The following DLC1 variants were observed in gnomAD, a reference collection of about 807,000 sequenced individuals.
DLC1 encodes the protein rho GTPase-activating protein 7.
Under a neutral mutation model 140.3 loss-of-function variants are expected in DLC1, and 54 were observed. That is an observed-to-expected ratio of 0.38 (90% CI 0.31 to 0.48). The LOEUF (loss-of-function observed/expected upper bound fraction) is 0.48. DLC1 is among the 20% of genes least tolerant of loss of function. The pLI is 0.96. For missense variants in DLC1, 2,536 were observed against 1,907.0 expected (o/e 1.33, Z -6.14); for synonymous variants, 986 against 728.1 (o/e 1.35, Z -5.70).
rs566667923 is a variant in DLC1 at position 13,198,811 on chromosome 8, G to A, written c.1349-83154C>T. Among the ~76,000 whole-genome samples, 506 of 151,780 alleles carry A rather than the reference G, an allele frequency of 3.3e-3. 5 individuals carry two copies. Among genetic ancestry groups the A allele is most frequent in the African/African-American group, 0.012 (481 of 41,354 alleles). On this transcript the variant is annotated intron_variant, in intron 5 of 17. Transcript: ENST00000276297. ...GGCTCACTGCAACCCCTACCTCCTG[G>A]GTTCAAGCGATTCTCCTGCCTCAGC...
chr8:13,106,655 A>G (rs1323466285), intron 7 of DLC1, among the ~76,000 whole-genome samples: 2 of 152,232 alleles, frequency 1.3e-5, no homozygotes, highest in East Asian at 3.9e-4. Context: ...ACCTTTTAAC[A>G]GACCAGAAAT....
intron 5 of DLC1, among the ~76,000 whole-genome samples, chr8:13,158,114 G>C (rs1824394569): frequency 6.6e-6 from 1 of 152,088 alleles, no homozygotes; most frequent in African/African-American, 2.4e-5. Context: ...TATGTCAAGA[G>C]GTCACATTTT....
At position 13,444,183 on chromosome 8, in the gene DLC1, A is replaced by C. The variant is rs1585118223; in HGVS notation, c.1024-42564T>G. Among the ~76,000 whole-genome samples the C allele has an allele frequency of 2.0e-5, 3 of 152,222 alleles. No individual in the cohort carries two copies. The East Asian group carries it at 5.8e-4, about 30-fold the overall frequency. ...CCCTTTGTCAGATGGGTAGATTGCA[A>C]AAGTTTTCTCCCATTGACAGACAAC... On this transcript the variant is annotated intron_variant, in intron 2 of 17. Transcript: ENST00000276297.
At chr8:13,601,236 C>T (rs909693973) in intron 1 of DLC1, among the ~76,000 whole-genome samples, 1 of 151,718 alleles carries the variant, frequency 6.6e-6, no homozygotes, top group African/African-American at 2.4e-5. Context: ...TAGGTCTTGT[C>T]TGTGATATTT....
At chr8:13,567,717 C>T (rs1804500901) in intron 1 of DLC1, 4 of 1,551,876 alleles carry the variant, frequency 2.6e-6, no homozygotes, top group South Asian at 2.4e-5. Flanking sequence ...ACTTTCTCAC[C>T]CGTATTGGAG....
At chr8:13,471,348 T>C (rs1468550363) in intron 2 of DLC1, among the ~76,000 whole-genome samples, 1 of 151,016 alleles carries the variant, frequency 6.6e-6, no homozygotes, top group African/African-American at 2.4e-5. Context: ...TATAAGGTGA[T>C]GGATATGTTA....
chr8:13,130,306 C>T (rs1563656539), intron 5 of DLC1, among the ~76,000 whole-genome samples: 2 of 152,166 alleles, frequency 1.3e-5, no homozygotes, highest in Admixed American at 1.3e-4. Context: ...CTTTAAGTCC[C>T]ATAATAGTTC....
At chr8:13,494,388 C>T (rs1801404845) in intron 2 of DLC1, among the ~76,000 whole-genome samples, 1 of 152,064 alleles carries the variant, frequency 6.6e-6, no homozygotes, top group Non-Finnish European at 1.5e-5. Flanking sequence ...AAATTCTAGC[C>T]CATGAAATTG....
At chr8:13,390,009 A>G (rs1420439287) in intron 4 of DLC1, among the ~76,000 whole-genome samples, 4 of 152,190 alleles carry the variant, frequency 2.6e-5, no homozygotes, top group Non-Finnish European at 4.4e-5. Context: ...CTCTCTCTTC[A>G]TAAAGTATCT....
At position 13,145,032 on chromosome 8, in the gene DLC1, A is replaced by G. The variant is rs113254548; in HGVS notation, c.1349-29375T>C. Among the ~76,000 whole-genome samples the G allele has an allele frequency of 8.7e-4, 133 of 152,324 alleles. 1 individual carries two copies. The highest frequency in any genetic ancestry group is 3.4e-3 in the Middle Eastern group (1 of 294). ...ATGCAATAAATTAAAAATCAAAAAC[A>G]AAAGTATTTATAAATTATAAATACT... On this transcript the variant is annotated intron_variant, in intron 5 of 17. Coordinates refer to ENST00000276297, the MANE Select transcript of DLC1 (RefSeq NM_182643.3).
intron 4 of DLC1, among the ~76,000 whole-genome samples, chr8:13,307,852 A>G (rs948528368): frequency 6.6e-6 from 1 of 152,220 alleles, no homozygotes; most frequent in African/African-American, 2.4e-5. Flanking sequence ...AAGGCACAAT[A>G]CAGGCATGCT....
At chr8:13,523,562 A>C (rs772309456) in intron 1 of DLC1, among the ~76,000 whole-genome samples, 4 of 152,224 alleles carry the variant, frequency 2.6e-5, no homozygotes, top group African/African-American at 4.8e-5. Flanking sequence ...ACGTATTTGC[A>C]ATTTAAAGTA....
intron 1 of DLC1, among the ~76,000 whole-genome samples, chr8:13,524,084 C>T (rs1485906113): frequency 2.0e-5 from 3 of 149,224 alleles, no homozygotes; most frequent in Middle Eastern, 3.5e-3. Flanking sequence ...CAGCTAGCCA[C>T]CATCACAGTT....
intron 2 of DLC1, among the ~76,000 whole-genome samples, chr8:13,486,886 A>G (rs895947325): frequency 8.5e-5 from 13 of 152,172 alleles, no homozygotes; most frequent in African/African-American, 2.9e-4. Context: ...CACAACAGCA[A>G]ATACATAGGG....
At chr8:13,227,472 A>G (rs1828849692) in intron 5 of DLC1, among the ~76,000 whole-genome samples, 1 of 152,156 alleles carries the variant, frequency 6.6e-6, no homozygotes, top group African/African-American at 2.4e-5. Flanking sequence ...CTAATACCAC[A>G]CAGTACATTA....
intron 1 of DLC1, among the ~76,000 whole-genome samples, chr8:13,582,025 A>G (rs1272657542): frequency 6.6e-6 from 1 of 152,152 alleles, no homozygotes; most frequent in African/African-American, 2.4e-5. Flanking sequence ...TTCTAGTCCC[A>G]TGGGGTCTCT....
chr8:13,293,390 G>A (rs1831835341), intron 5 of DLC1, among the ~76,000 whole-genome samples: 1 of 152,224 alleles, frequency 6.6e-6, no homozygotes, highest in African/African-American at 2.4e-5. Flanking sequence ...TAAGAGTGAG[G>A]CTGAAAGAGA....
intron 1 of DLC1, among the ~76,000 whole-genome samples, chr8:13,600,547 C>A (rs975075763): frequency 1.8e-4 from 28 of 151,884 alleles, no homozygotes; most frequent in African/African-American, 6.3e-4. Flanking sequence ...CAGTCATCTT[C>A]ACCCAAATCA....
In DLC1 at chr8:13,571,864, C is replaced by A. The variant is rs187897460; in HGVS notation, c.-126+32673G>T. 2.0e-5 allele frequency among the ~76,000 whole-genome samples: 3 copies of A among 152,260 alleles called. No homozygotes were observed. The East Asian group carries it at 5.8e-4, about 29-fold the overall frequency. On this transcript the variant is annotated intron_variant, in intron 1 of 1. Coordinates refer to the DLC1 transcript ENST00000631382. ...TCGGATTTTTTCACGTCCTTGCCAACACTTTTTATTTTCCCCTTCAAAAGT... is the reference window on the plus strand; with the variant it reads ...TCGGATTTTTTCACGTCCTTGCCAAAACTTTTTATTTTCCCCTTCAAAAGT...
Sources: allele counts gnomAD v4.1 joint callset (sites outside exome capture counted in the v4.1 genomes callset), GRCh38; gene constraint gnomAD v4.1.1; transcripts MANE v1.5; gene names NCBI Gene and HGNC (gene_info 2026-07-23, HGNC 2026-07-21).